The following THOC1 variants were observed in gnomAD, a reference collection of about 807,000 sequenced individuals.
The protein encoded by THOC1 is THO complex subunit 1.
In THOC1, 29 loss-of-function variants were observed where a neutral mutation model predicts 97.3. The observed-to-expected ratio is 0.30, with a 90% CI of 0.22 to 0.41. THOC1 has a LOEUF of 0.41. Ranked by LOEUF, THOC1 falls within the 10% of genes least tolerant of loss-of-function variation. The probability of loss-of-function intolerance (pLI) is 1.00; values close to 1 mark genes in which losing one functional copy is unlikely to be tolerated. For synonymous variants in THOC1, 255 were observed against 257.0 expected, an observed-to-expected ratio of 0.99 and a Z score of 0.07; for missense variants, 529 against 761.9, an observed-to-expected ratio of 0.69 and a Z score of 3.60.
chr18:216,527 A>ATT lies in THOC1; in HGVS notation c.1559_1560dup (p.Tyr521AsnfsTer7). ...AGCTTTATTACCATATTTTCAAGAT[A>ATT]TTCTGGTAAACTTTTAAACTGCTGG... On this transcript the variant is annotated frameshift_variant, in exon 19 of 21. Coordinates refer to ENST00000261600, the MANE Select transcript of THOC1 (RefSeq NM_005131.3). LOFTEE classifies it high-confidence loss of function. The ATT allele has an allele frequency of 6.2e-7, 1 of 1,613,958 alleles. No homozygotes were observed. The highest frequency in any genetic ancestry group is 8.5e-7 in the Non-Finnish European group (1 of 1,179,862).
intron 11 of THOC1, among the ~76,000 whole-genome samples, chr18:232,888 TATC>T (rs780594937): frequency 1.3e-5 from 2 of 152,164 alleles, no homozygotes; most frequent in African/African-American, 2.4e-5. Context: ...TACTTTTTCT[TATC>T]ATCTTTTCAG....
At chr18:232,488 A>T (rs188137784) in intron 11 of THOC1, among the ~76,000 whole-genome samples, 7 of 151,748 alleles carry the variant, frequency 4.6e-5, no homozygotes, top group Non-Finnish European at 8.8e-5. Context: ...GTCACGTAAA[A>T]TTATCTTATC....
intron 11 of THOC1, among the ~76,000 whole-genome samples, chr18:235,050 A>G (rs994292223): frequency 6.9e-6 from 1 of 144,626 alleles, no homozygotes; most frequent in African/African-American, 2.6e-5. Flanking sequence ...TCTGGCTGGT[A>G]TTTCCTTAAT....
At chr18:215,215 T>C (rs994075327) in intron 20 of THOC1, among the ~76,000 whole-genome samples, 1 of 152,224 alleles carries the variant, frequency 6.6e-6, no homozygotes, top group African/African-American at 2.4e-5. Context: ...TTTCATTCCC[T>C]TTTAAAGCAC....
intron 18 of THOC1, among the ~76,000 whole-genome samples, chr18:217,049 G>GTTC (rs1910916681): frequency 1.3e-5 from 2 of 152,174 alleles, no homozygotes; most frequent in Non-Finnish European, 2.9e-5. Context: ...TATACCATCA[G>GTTC]GTGAGAAACA....
chr18:265,846 GT>G (rs1912750793), intron 1 of THOC1, among the ~76,000 whole-genome samples: 1 of 151,140 alleles, frequency 6.6e-6, no homozygotes, highest in Admixed American at 6.6e-5. Context: ...TTATTTGCCC[GT>G]TTTAGTTTTG....
chr18:240,274 A>C (rs1194484014), intron 11 of THOC1, among the ~76,000 whole-genome samples: 35 of 152,178 alleles, frequency 2.3e-4, no homozygotes, highest in Admixed American at 2.3e-3. Flanking sequence ...CATCTTCTGC[A>C]CCCTGTCTTT....
chr18:218,079 T>C (rs1453475314), intron 18 of THOC1, among the ~76,000 whole-genome samples: 1 of 152,168 alleles, frequency 6.6e-6, no homozygotes, highest in African/African-American at 2.4e-5. Flanking sequence ...GTCACAGTAA[T>C]TAACAACTCT....
chr18:242,658 A>G lies in THOC1; in HGVS notation c.918+3666T>C, dbSNP rs1394449225. On this transcript the variant is annotated intron_variant, in intron 11 of 20. Transcript: ENST00000261600. The surrounding 1 kb of genome is among the most constrained non-coding windows in gnomAD (Gnocchi z 4.5). ...TCACCAGTGAAATGATAGGCTAAAG[A>G]GTTATGCTCCAAATAATCATAGCTT... Among the ~76,000 whole-genome samples, 1 of 152,198 alleles carries G rather than the reference A, an allele frequency of 6.6e-6. No individual in the cohort carries two copies. The highest frequency in any genetic ancestry group is 2.4e-5 in the African/African-American group (1 of 41,452).
At chr18:233,219 C>T (rs1040011503) in intron 11 of THOC1, among the ~76,000 whole-genome samples, 2 of 152,148 alleles carry the variant, frequency 1.3e-5, no homozygotes, top group Admixed American at 1.3e-4. Flanking sequence ...ATTGATTAAC[C>T]TAGAATTGAC....
chr18:243,141 C>T (rs1425680965), intron 11 of THOC1, among the ~76,000 whole-genome samples: 1 of 152,124 alleles, frequency 6.6e-6, no homozygotes, highest in African/African-American at 2.4e-5. Context: ...TTTTCTTACT[C>T]CTATGGTAAG....
chr18:237,967 A>G (rs1008044408), intron 11 of THOC1, among the ~76,000 whole-genome samples: 3 of 151,934 alleles, frequency 2.0e-5, no homozygotes, highest in Admixed American at 6.6e-5. Context: ...CCCAGGTTCA[A>G]TGGATCCCCA....
At chr18:221,621 T>G (rs920455981) in intron 17 of THOC1, among the ~76,000 whole-genome samples, 1 of 147,802 alleles carries the variant, frequency 6.8e-6, no homozygotes, top group Non-Finnish European at 1.5e-5. Context: ...TTTTTTTTTT[T>G]TTTTTGAGAC....
intron 7 of THOC1, among the ~76,000 whole-genome samples, chr18:257,305 G>A (rs1912466699): frequency 6.6e-6 from 1 of 152,004 alleles, no homozygotes; most frequent in Admixed American, 6.5e-5. Context: ...TAATTCTGTT[G>A]GAAGCACAAA....
At chr18:264,124 G>A (rs757708364) in intron 3 of THOC1, 32 bp from the exon 4 acceptor site, 3 of 1,518,362 alleles carry the variant, frequency 2.0e-6, no homozygotes, top group Non-Finnish European at 2.7e-6. Context: ...TTTAATTTAG[G>A]GGCAAGAGTT....
At position 226,534 on chromosome 18, in the gene THOC1, G is replaced by A. The variant is rs572898673; in HGVS notation, c.1019+267C>T. Reference sequence around the variant, plus strand: ...GTGAGAAGGGAATGACGGAATTTTGGAGCAGAGACCTCCACCTGCTAATAA... The same window carrying A: ...GTGAGAAGGGAATGACGGAATTTTGAAGCAGAGACCTCCACCTGCTAATAA... On this transcript the variant is annotated intron_variant, in intron 12 of 20. Coordinates refer to ENST00000261600, the MANE Select transcript of THOC1 (RefSeq NM_005131.3). 3.2e-5 allele frequency: 10 copies of A among 316,850 alleles called. No individual in the cohort carries two copies. In the South Asian group the frequency reaches 4.5e-4, roughly 14 times the overall value. The allele number at this position is 316,850 out of a possible 1,614,324, so 19.6% of individuals were successfully genotyped here. A position where few individuals can be genotyped will look rare whatever the true frequency, so the allele number is the denominator to read the frequency against.
At chr18:227,893 G>T (rs957867130) in intron 11 of THOC1, among the ~76,000 whole-genome samples, 8 of 151,918 alleles carry the variant, frequency 5.3e-5, no homozygotes, top group Middle Eastern at 3.2e-3. Flanking sequence ...TACCTAACAC[G>T]CACAAGCCTC....
At chr18:234,635 G>A (rs1304215246) in intron 11 of THOC1, among the ~76,000 whole-genome samples, 1 of 152,116 alleles carries the variant, frequency 6.6e-6, no homozygotes, top group Non-Finnish European at 1.5e-5. Context: ...TCCGGCCTTG[G>A]CCTCCCAAAG....
intron 17 of THOC1, among the ~76,000 whole-genome samples, chr18:219,672 TATA>T (rs1236490268): frequency 2.6e-5 from 4 of 152,108 alleles, no homozygotes; most frequent in South Asian, 2.1e-4. Context: ...ATTTACTACA[TATA>T]ATATTATATA....
Sources: gnomAD v4.1 joint callset for allele counts (sites outside exome capture counted in the v4.1 genomes callset) on GRCh38, gnomAD v4.1.1 for gene constraint, Gnocchi (gnomAD v3.1) non-coding constraint, MANE v1.5 for transcripts, NCBI Gene and HGNC (gene_info 2026-07-23, HGNC 2026-07-21) for gene names.